The following FAT3 variants were observed in gnomAD, a reference collection of about 807,000 sequenced individuals.
The protein encoded by FAT3 is protocadherin Fat 3.
Under a neutral mutation model 310.2 loss-of-function variants are expected in FAT3, and 95 were observed. The observed-to-expected ratio is 0.31, with a 90% CI of 0.26 to 0.36. The LOEUF is 0.36. Ranked by LOEUF, FAT3 falls within the 10% of genes least tolerant of loss-of-function variation. The pLI is 1.00. For synonymous variants in FAT3, 2,314 were observed against 2,192.9 expected (o/e 1.06, Z -1.54); for missense variants, 5,408 against 5,715.6 (o/e 0.95, Z 1.74).
At chr11:92,528,449 C>G (rs1266247168) in intron 3 of FAT3, among the ~76,000 whole-genome samples, 2 of 152,128 alleles carry the variant, frequency 1.3e-5, no homozygotes, top group Non-Finnish European at 2.9e-5. Context: ...TGCATTGGCA[C>G]GATCTCGGCT....
In FAT3 at chr11:92,714,000, TGAGGATACTTTTGAAAA is replaced by T. The variant is rs1162839827; in HGVS notation, c.3669+16561_3669+16577del. On this transcript the variant is annotated intron_variant, in intron 4 of 27. Coordinates refer to ENST00000525166, the MANE Select transcript of FAT3 (RefSeq NM_001367949.2). ...AATCAAATAAAAGCATAAAGAACCT[TGAGGATACTTTTGAAAA>T]GAGGAGACTCTCTAACAAGTCTAGT... 1.0e-4 allele frequency among the ~76,000 whole-genome samples: 14 copies of T among 134,176 alleles called. No individual in the cohort carries two copies. In the South Asian group the frequency reaches 2.2e-3, roughly 22 times the overall value. The allele number at this position is 134,176 out of a possible 152,430, so 88.0% of individuals were successfully genotyped here.
At chr11:92,542,969 A>G (rs956618164) in intron 3 of FAT3, among the ~76,000 whole-genome samples, 1 of 152,154 alleles carries the variant, frequency 6.6e-6, no homozygotes, top group African/African-American at 2.4e-5. Flanking sequence ...TGTGGTGTGT[A>G]TACAAAAAGG....
chr11:92,324,686 T>C (rs1251802368), intron 1 of FAT3, among the ~76,000 whole-genome samples: 3 of 152,164 alleles, frequency 2.0e-5, no homozygotes, highest in African/African-American at 4.8e-5. Flanking sequence ...GAACATGCTG[T>C]TGGAAAAATG....
chr11:92,846,821 A>G (rs544827912), intron 19 of FAT3, among the ~76,000 whole-genome samples: 54 of 152,346 alleles, frequency 3.5e-4, no homozygotes, highest in African/African-American at 1.2e-3. Flanking sequence ...GTGCAGAGTC[A>G]GGCCAAGCTC....
chr11:92,624,245 G>A (rs1337414776), intron 3 of FAT3, among the ~76,000 whole-genome samples: 1 of 152,176 alleles, frequency 6.6e-6, no homozygotes, highest in East Asian at 1.9e-4. Context: ...GTATTTTGCC[G>A]GATGAAGAGC....
At chr11:92,646,050 A>C (rs1942153724) in intron 3 of FAT3, among the ~76,000 whole-genome samples, 1 of 152,216 alleles carries the variant, frequency 6.6e-6, no homozygotes, top group Admixed American at 6.5e-5. Flanking sequence ...TAATCCCAAG[A>C]TTTAATGTCT....
At chr11:92,754,959 A>G (rs1945949060) in intron 4 of FAT3, among the ~76,000 whole-genome samples, 2 of 152,200 alleles carry the variant, frequency 1.3e-5, no homozygotes, top group African/African-American at 2.4e-5. Flanking sequence ...TAACTCAAAT[A>G]GAAAGATAAA....
chr11:92,283,564 C>T (rs1022306332), intron 1 of FAT3, among the ~76,000 whole-genome samples: 12 of 152,090 alleles, frequency 7.9e-5, no homozygotes, highest in African/African-American at 2.9e-4. Flanking sequence ...TCTTTGGCAG[C>T]TTTTACAGTT....
chr11:92,798,788 C>T lies in FAT3; in HGVS notation c.5775C>T (p.Gly1925=). Residue 1925 remains glycine, a synonymous_variant, in exon 10 of 28, where the codon GGC becomes GGT. Coordinates refer to ENST00000525166, the MANE Select transcript of FAT3 (RefSeq NM_001367949.2). The part of the protein sequence containing the change: ...PPELTYSLME[G]SLDHFLIDSN... The stretch of plus-strand genomic sequence containing the variant: ...AACTGACATACAGCCTAATGGAAGG[C>T]AGTTTGGATCATTTTTTAATTGACT... The T allele has an allele frequency of 6.2e-7, 1 of 1,613,776 alleles. No individual in the cohort carries two copies. The highest frequency in any genetic ancestry group is 8.5e-7 in the Non-Finnish European group (1 of 1,179,828).
intron 1 of FAT3, among the ~76,000 whole-genome samples, chr11:92,346,138 C>T (rs1021273645): frequency 3.9e-5 from 6 of 151,954 alleles, no homozygotes; most frequent in African/African-American, 1.2e-4. Context: ...GTATGTCATA[C>T]GAGCAGTCTA....
intron 2 of FAT3, among the ~76,000 whole-genome samples, chr11:92,452,246 T>G (rs1167915451): frequency 6.6e-6 from 1 of 152,202 alleles, no homozygotes; most frequent in Non-Finnish European, 1.5e-5. Flanking sequence ...TGGACTCTGA[T>G]TCTGGCCTTT....
At chr11:92,683,215 T>C (rs1943538084) in intron 3 of FAT3, among the ~76,000 whole-genome samples, 2 of 152,192 alleles carry the variant, frequency 1.3e-5, no homozygotes, top group South Asian at 4.1e-4. Context: ...AATTTTCCCA[T>C]TGTTGCCCAC....
In FAT3 at chr11:92,494,614, A is replaced by G. The variant is rs188515892; in HGVS notation, c.3293-30020A>G. ...CTGTAGCATAAGAGTTTCCGTTATCATACATATTATAGAGATGAGGAAATT... is the reference window on the plus strand; with the variant it reads ...CTGTAGCATAAGAGTTTCCGTTATCGTACATATTATAGAGATGAGGAAATT... On this transcript the variant is annotated intron_variant, in intron 2 of 27. Transcript: ENST00000525166. Among the ~76,000 whole-genome samples the G allele has an allele frequency of 1.2e-4, 18 of 152,132 alleles. No homozygotes were observed. In the East Asian group the frequency reaches 2.7e-3, roughly 23 times the overall value.
intron 2 of FAT3, among the ~76,000 whole-genome samples, chr11:92,492,289 A>T (rs879657751): frequency 1.3e-5 from 2 of 151,390 alleles, no homozygotes; most frequent in Non-Finnish European, 3.0e-5. Flanking sequence ...CCATCCATCC[A>T]TTCATCCATC....
intron 3 of FAT3, among the ~76,000 whole-genome samples, chr11:92,594,766 T>C (rs902473906): frequency 2.6e-5 from 4 of 152,130 alleles, no homozygotes; most frequent in Non-Finnish European, 5.9e-5. Context: ...AGTAGTACCG[T>C]TGTAAAATCC....
chr11:92,403,004 C>A (rs1950055497), intron 2 of FAT3, among the ~76,000 whole-genome samples: 1 of 152,126 alleles, frequency 6.6e-6, no homozygotes, highest in Non-Finnish European at 1.5e-5. Context: ...TCTCCCTTTC[C>A]ACCTCCACCC....
intron 4 of FAT3, among the ~76,000 whole-genome samples, chr11:92,746,650 C>CA (rs1331089503): frequency 3.3e-5 from 5 of 152,152 alleles, no homozygotes; most frequent in Admixed American, 3.3e-4. Flanking sequence ...TCATCTGAGA[C>CA]AAGGCAAGTC....
intron 22 of FAT3, among the ~76,000 whole-genome samples, chr11:92,870,948 T>C (rs982478456): frequency 2.6e-5 from 4 of 152,160 alleles, no homozygotes; most frequent in Admixed American, 2.6e-4. Context: ...CACCCTCATT[T>C]TACAGATAAA....
intron 2 of FAT3, among the ~76,000 whole-genome samples, chr11:92,520,754 T>C (rs1181489866): frequency 6.6e-6 from 1 of 152,096 alleles, no homozygotes; most frequent in African/African-American, 2.4e-5. Flanking sequence ...AATTAACACA[T>C]TTCAGACTCA....
Sources: gnomAD v4.1 joint callset for allele counts (sites outside exome capture counted in the v4.1 genomes callset) on GRCh38, gnomAD v4.1.1 for gene constraint, MANE v1.5 for transcripts, NCBI Gene and HGNC (gene_info 2026-07-23, HGNC 2026-07-21) for gene names.